MTURN: variants seen among roughly 807,000 people sequenced by gnomAD.
MTURN encodes maturin.
MTURN carries 7 observed loss-of-function variants against 14.9 expected under a neutral mutation model. The observed-to-expected ratio is 0.47, with a 90% CI of 0.27 to 0.88. The LOEUF (loss-of-function observed/expected upper bound fraction) is 0.88. Ranked by LOEUF, MTURN falls within the 40% of genes least tolerant of loss-of-function variation. The probability of loss-of-function intolerance (pLI) is 0.14; values close to 1 mark genes in which losing one functional copy is unlikely to be tolerated. For missense variants in MTURN, 151 were observed against 174.1 expected (o/e 0.87, Z 0.75); for synonymous variants, 69 against 72.5 (o/e 0.95, Z 0.25).
At chr7:30,153,741 G>A (rs758292373) in intron 2 of MTURN, among the ~76,000 whole-genome samples, 11 of 150,276 alleles carry the variant, frequency 7.3e-5, no homozygotes, top group African/African-American at 1.8e-4. Context: ...TTTTTTAGAC[G>A]GAGTCTTGCT....
intron 1 of MTURN, among the ~76,000 whole-genome samples, chr7:30,142,568 T>A (rs4364546): frequency 0.22 from 33,488 of 152,144 alleles, 4,104 homozygotes; most frequent in African/African-American, 0.33. Flanking sequence ...CTCAGCTCAC[T>A]GAATAGTTCA....
chr7:30,137,367 G>A (rs1320232572), intron 1 of MTURN: 9 of 319,314 alleles, frequency 2.8e-5, no homozygotes, highest in East Asian at 1.5e-4. Flanking sequence ...ACAGTAAGTG[G>A]GCCAGGAAGA....
chr7:30,157,419 T>C lies in MTURN; in HGVS notation c.286-19T>C, dbSNP rs763590256. ...CATTTGGCGCTCACAGCTGCTTTTC[T>C]CTTGTTCTCTCCCTGTAGTTACTGG... On this transcript the variant is annotated intron_variant, in intron 2 of 2. Transcript: ENST00000324453. 6 of 1,560,500 alleles carry C rather than the reference T, an allele frequency of 3.8e-6. No homozygotes were observed. In the East Asian group the frequency reaches 1.5e-4, roughly 38 times the overall value.
chr7:30,161,089 G>A lies in MTURN; in HGVS notation c.*3541G>A, dbSNP rs1797367522. 6.6e-6 allele frequency: 1 copy of A among 152,596 alleles called. No homozygotes were observed. Among genetic ancestry groups the A allele is most frequent in the Non-Finnish European group, 1.5e-5 (1 of 68,036 alleles). The allele number at this position is 152,596 out of a possible 1,614,324, so 9.5% of individuals were successfully genotyped here. On this transcript the variant is annotated 3_prime_UTR_variant, in exon 3 of 3. Coordinates refer to ENST00000324453, the MANE Select transcript of MTURN (RefSeq NM_152793.3). ...TGTTTCATAAGAGCACAATGTACAT[G>A]GACCTAGGGGAGCTGTGGTCCCAAG...
chr7:30,135,686 G>T (rs1362021233), intron 1 of MTURN, among the ~76,000 whole-genome samples: 2 of 152,162 alleles, frequency 1.3e-5, no homozygotes, highest in African/African-American at 4.8e-5. Flanking sequence ...GGACCAGCCG[G>T]GTCTGGGGCG....
At position 30,136,692 on chromosome 7, in the gene MTURN, G is replaced by A. The variant is rs533208830; in HGVS notation, c.162+1394G>A. 1.6e-3 allele frequency among the ~76,000 whole-genome samples: 248 copies of A among 152,316 alleles called. 1 individual carries two copies. The highest frequency in any genetic ancestry group is 5.8e-3 in the African/African-American group (239 of 41,560). ...AGGGATCCACCTGGGCATTCCACAA[G>A]TGGCACTCCAGAAGAGGGATGGCCT... On this transcript the variant is annotated intron_variant, in intron 1 of 2. Transcript: ENST00000324453.
intron 2 of MTURN, among the ~76,000 whole-genome samples, chr7:30,148,287 G>C (rs895707382): frequency 2.0e-5 from 3 of 152,212 alleles, no homozygotes; most frequent in African/African-American, 7.2e-5. Flanking sequence ...CAGGTATGAA[G>C]GCCTCGGGGT....
intron 1 of MTURN, among the ~76,000 whole-genome samples, chr7:30,144,088 C>A (rs1797093848): frequency 6.6e-6 from 1 of 152,188 alleles, no homozygotes; most frequent in African/African-American, 2.4e-5. Flanking sequence ...CCACCCCTTC[C>A]CCTCTGTCTC....
Position 30,157,860 on chromosome 7 carries a change from C to T in MTURN, c.*312C>T, listed in dbSNP as rs779553912. On this transcript the variant is annotated 3_prime_UTR_variant, in exon 3 of 3. Coordinates refer to ENST00000324453, the MANE Select transcript of MTURN (RefSeq NM_152793.3). ...AAGTTTATGTTGGAGAATTAACATTCGCTGACTCGAATGTAGAGAACTCTG... is the reference window on the plus strand; with the variant it reads ...AAGTTTATGTTGGAGAATTAACATTTGCTGACTCGAATGTAGAGAACTCTG... 25 of 174,876 alleles carry T rather than the reference C, an allele frequency of 1.4e-4. No homozygotes were observed. Among genetic ancestry groups the T allele is most frequent in the Non-Finnish European group, 2.8e-4 (23 of 81,826 alleles). The allele number at this position is 174,876 out of a possible 1,614,324, so 10.8% of individuals were successfully genotyped here.
Position 30,157,447 on chromosome 7 carries a change from C to T in MTURN, c.295C>T (p.Leu99Phe), listed in dbSNP as rs1797304397. The change falls in exon 3 of 3, where the codon CTT becomes TTT. Residue 99 changes from leucine to phenylalanine, a missense_variant. Coordinates refer to ENST00000324453, the MANE Select transcript of MTURN (RefSeq NM_152793.3). ...TGTTCTCTCCCTGTAGTTACTGGGG[C>T]TTCCGGATGCAGATGACGATGCGTT... The part of the protein sequence containing the change: ...VFKSFRPLLG[L>F]PDADDDAFEE... 1 of 1,597,500 alleles carries T rather than the reference C, an allele frequency of 6.3e-7. No homozygotes were observed.
intron 2 of MTURN, among the ~76,000 whole-genome samples, chr7:30,154,727 C>T (rs1164851458): frequency 6.6e-6 from 1 of 152,206 alleles, no homozygotes; most frequent in Admixed American, 6.5e-5. Flanking sequence ...GTAGACCCTA[C>T]ACTAAGGTGC....
intron 2 of MTURN, among the ~76,000 whole-genome samples, chr7:30,154,798 G>A (rs566141305): frequency 1.3e-5 from 2 of 152,320 alleles, no homozygotes; most frequent in Non-Finnish European, 2.9e-5. Context: ...GAAGGGCAGT[G>A]AGTGAGCAGC....
At position 30,136,639 on chromosome 7, in the gene MTURN, C is replaced by G. The variant is rs974122611; in HGVS notation, c.162+1341C>G. ...ATGCCTGGCCGATAAAGCATTCCCTCCGCCCACACGCACCCCCTGAGGAGG... is the reference window on the plus strand; with the variant it reads ...ATGCCTGGCCGATAAAGCATTCCCTGCGCCCACACGCACCCCCTGAGGAGG... On this transcript the variant is annotated intron_variant, in intron 1 of 2. Transcript: ENST00000324453. 5.9e-5 allele frequency among the ~76,000 whole-genome samples: 9 copies of G among 152,182 alleles called. No homozygotes were observed. In the East Asian group the frequency reaches 1.7e-3, roughly 30 times the overall value.
chr7:30,153,872 C>T (rs993636065), intron 2 of MTURN, among the ~76,000 whole-genome samples: 1 of 152,294 alleles, frequency 6.6e-6, no homozygotes, highest in South Asian at 2.1e-4. Flanking sequence ...CACACGCCAC[C>T]ATGCCCAGCT....
At chr7:30,142,731 C>T (rs952918230) in intron 1 of MTURN, among the ~76,000 whole-genome samples, 2 of 152,158 alleles carry the variant, frequency 1.3e-5, no homozygotes, top group Non-Finnish European at 2.9e-5. Flanking sequence ...AGAACCGCTT[C>T]CCTCTACTCC....
rs1199051751 is a variant in MTURN, at chr7:30,158,688, A to G, written c.*1140A>G. On this transcript the variant is annotated 3_prime_UTR_variant, in exon 3 of 3. Transcript: ENST00000324453. The stretch of plus-strand genomic sequence containing the variant: ...TAATCAAGATACTCAGACAACTCAC[A>G]GAAACAACTTCTGTAATAACTGGAA... 1 of 152,260 alleles carries G rather than the reference A, an allele frequency of 6.6e-6. No individual in the cohort carries two copies. The highest frequency in any genetic ancestry group is 1.5e-5 in the Non-Finnish European group (1 of 68,042). 9.4% of individuals were successfully genotyped at this position (152,260 alleles called of 1,614,324 possible). A position where few individuals can be genotyped will look rare whatever the true frequency, so the allele number is the denominator to read the frequency against.
At chr7:30,140,201 GGA>G (rs556672696) in intron 1 of MTURN, among the ~76,000 whole-genome samples, 71 of 152,250 alleles carry the variant, frequency 4.7e-4, no homozygotes, top group South Asian at 1.5e-3. Context: ...GATGATTGTG[GGA>G]GAGAGGGAGG....
chr7:30,154,688 C>G (rs998772202), intron 2 of MTURN, among the ~76,000 whole-genome samples: 9 of 152,168 alleles, frequency 5.9e-5, no homozygotes, highest in Admixed American at 4.6e-4. Context: ...GTGCCAGTGT[C>G]TTTTTCCACA....
At chr7:30,135,983 CAT>C (rs1562566009) in intron 1 of MTURN, among the ~76,000 whole-genome samples, 2 of 152,186 alleles carry the variant, frequency 1.3e-5, no homozygotes, top group Non-Finnish European at 1.5e-5. Flanking sequence ...CACACACACA[CAT>C]GCTCACACCC....
Sources: allele counts gnomAD v4.1 joint callset (sites outside exome capture counted in the v4.1 genomes callset), GRCh38; gene constraint gnomAD v4.1.1; transcripts MANE v1.5; gene names NCBI Gene and HGNC (gene_info 2026-07-23, HGNC 2026-07-21).